C10orf90: variants seen among roughly 807,000 people sequenced by gnomAD.
The protein encoded by C10orf90 is (E2-independent) E3 ubiquitin-conjugating enzyme FATS.
A neutral mutation model predicts 62.5 loss-of-function variants in C10orf90; 56 were observed. The observed-to-expected ratio is 0.90, with a 90% CI of 0.72 to 1.12. C10orf90 has a LOEUF of 1.12. Among genes scored for constraint, C10orf90 ranks in the 50% most tolerant of loss-of-function variants. C10orf90 has a pLI of 0.00. For missense variants in C10orf90, 970 were observed against 880.4 expected (o/e 1.10, Z -1.29); for synonymous variants, 386 against 340.4 (o/e 1.13, Z -1.47).
chr10:126,433,337 G>A (rs1857702197), intron 7 of C10orf90, among the ~76,000 whole-genome samples: 1 of 152,180 alleles, frequency 6.6e-6, no homozygotes, highest in Non-Finnish European at 1.5e-5. Flanking sequence ...CACATGGTGA[G>A]GGGAGACATC....
intron 2 of C10orf90, among the ~76,000 whole-genome samples, chr10:126,609,671 C>T (rs1424488213): frequency 6.6e-6 from 1 of 152,196 alleles, no homozygotes; most frequent in East Asian, 1.9e-4. Flanking sequence ...AGAAGAGGGA[C>T]AGGAGGGCCT....
chr10:126,425,584 A>C lies in C10orf90; in HGVS notation c.*280T>G, dbSNP rs1196730281. The C allele has an allele frequency of 4.6e-6, 2 of 437,644 alleles. No homozygotes were observed. Among genetic ancestry groups the C allele is most frequent in the Non-Finnish European group, 8.0e-6 (2 of 250,450 alleles). 27.1% of individuals were successfully genotyped at this position (437,644 alleles called of 1,614,324 possible). ...CAGGGGAGAAGAAATCAGAAGCAAA[A>C]GGTACAATTTAGAAGCAAAAACATT... On this transcript the variant is annotated 3_prime_UTR_variant, in exon 10 of 10. Coordinates refer to ENST00000488181, the MANE Select transcript of C10orf90 (RefSeq NM_001350921.2).
intron 2 of C10orf90, among the ~76,000 whole-genome samples, chr10:126,528,012 T>C (rs1002800514): frequency 9.9e-5 from 15 of 152,172 alleles, no homozygotes; most frequent in African/African-American, 3.4e-4. Flanking sequence ...AAGTACGAGC[T>C]CATCAGAAAC....
chr10:126,440,970 AG>A (rs1458915435), intron 7 of C10orf90, among the ~76,000 whole-genome samples: 4 of 152,232 alleles, frequency 2.6e-5, no homozygotes, highest in Non-Finnish European at 4.4e-5. Flanking sequence ...AAAACATATT[AG>A]GCTCTTTAAC....
At chr10:126,610,779 A>T (rs1845415441) in intron 2 of C10orf90, among the ~76,000 whole-genome samples, 1 of 152,134 alleles carries the variant, frequency 6.6e-6, no homozygotes. Context: ...ACCTTCACCC[A>T]CTCAGAGTTA....
intron 7 of C10orf90, among the ~76,000 whole-genome samples, chr10:126,446,124 A>G (rs1273975430): frequency 1.3e-5 from 2 of 152,110 alleles, no homozygotes; most frequent in Non-Finnish European, 2.9e-5. Flanking sequence ...TCATGTAAGC[A>G]AACACCACTT....
intron 4 of C10orf90, among the ~76,000 whole-genome samples, chr10:126,497,611 A>C (rs1862135006): frequency 6.6e-6 from 1 of 152,200 alleles, no homozygotes; most frequent in Non-Finnish European, 1.5e-5. Context: ...AGATGGAAAA[A>C]ACAGAGACCT....
At chr10:126,562,798 A>G (rs1433303131) in intron 2 of C10orf90, among the ~76,000 whole-genome samples, 1 of 152,128 alleles carries the variant, frequency 6.6e-6, no homozygotes, top group Non-Finnish European at 1.5e-5. Context: ...GGACAGTAAA[A>G]CCATCAGGCG....
intron 4 of C10orf90, among the ~76,000 whole-genome samples, chr10:126,488,923 A>C (rs978742610): frequency 2.0e-5 from 3 of 152,108 alleles, no homozygotes; most frequent in Admixed American, 6.5e-5. Context: ...ACTTCAGGCC[A>C]GATGACTTCA....
At chr10:126,451,543 G>A (rs1353706830) in intron 7 of C10orf90, among the ~76,000 whole-genome samples, 2 of 151,962 alleles carry the variant, frequency 1.3e-5, no homozygotes, top group Admixed American at 1.3e-4. Flanking sequence ...GTTTTTATAA[G>A]ATGCTTGGGA....
chr10:126,624,969 T>C (rs1845714230), intron 2 of C10orf90, among the ~76,000 whole-genome samples: 1 of 152,212 alleles, frequency 6.6e-6, no homozygotes, highest in African/African-American at 2.4e-5. Context: ...GGGCAGTCTA[T>C]TAAAATGTTA....
At chr10:126,582,965 T>TTGGTTC (rs1844783969) in intron 2 of C10orf90, among the ~76,000 whole-genome samples, 1 of 152,198 alleles carries the variant, frequency 6.6e-6, no homozygotes, top group East Asian at 1.9e-4. Context: ...TCAGACTTGG[T>TTGGTTC]TGGCACTATT....
chr10:126,470,283 A>G, intron 4 of C10orf90: 1 of 340,074 alleles, frequency 2.9e-6, no homozygotes, highest in South Asian at 2.3e-5. Context: ...AGGAAGAGGC[A>G]GTAACAATGG....
Position 126,504,921 on chromosome 10 carries a change from T to G in C10orf90, c.570A>C (p.Gly190=), listed in dbSNP as rs1259085917. The change falls in exon 4 of 10, where the codon GGA becomes GGC. Residue 190 remains glycine (G), a synonymous_variant. Transcript: ENST00000488181. The surrounding 1 kb of genome is among the most constrained non-coding windows in gnomAD (Gnocchi z 4.1). Reference sequence around the variant, plus strand: ...ACGCAAATGCTCTGTGAATGTTGACTCCGCTGCGGTTAGCCAGAGATTGCT... The same window carrying G: ...ACGCAAATGCTCTGTGAATGTTGACGCCGCTGCGGTTAGCCAGAGATTGCT... ...HAKQSLANRS[G]VNIHRAFALL... 6.2e-7 allele frequency: 1 copy of G among 1,614,208 alleles called. No individual in the cohort carries two copies. Among genetic ancestry groups the G allele is most frequent in the East Asian group, 2.2e-5 (1 of 44,870 alleles).
At chr10:126,562,852 G>C (rs1047512964) in intron 2 of C10orf90, among the ~76,000 whole-genome samples, 1 of 152,186 alleles carries the variant, frequency 6.6e-6, no homozygotes, top group Admixed American at 6.5e-5. Context: ...AACCCCATCT[G>C]CCAACCTGAG....
At chr10:126,632,589 C>G (rs1418430442) in intron 2 of C10orf90, among the ~76,000 whole-genome samples, 1 of 151,896 alleles carries the variant, frequency 6.6e-6, no homozygotes, top group Non-Finnish European at 1.5e-5. Context: ...TGGAGTTGGT[C>G]CCAGACACTA....
chr10:126,554,816 T>C lies in C10orf90; in HGVS notation c.314-40877A>G, dbSNP rs980109408. On this transcript the variant is annotated intron_variant, in intron 2 of 9. Transcript: ENST00000488181. ...AAAAGACTCCTCCTGCTGATTATAC[T>C]TGGGCAAGATAGCAAAATGTATAGC... 2.6e-5 allele frequency among the ~76,000 whole-genome samples: 4 copies of C among 152,330 alleles called. No individual in the cohort carries two copies. In the South Asian group the frequency reaches 8.3e-4, roughly 32 times the overall value.
chr10:126,491,378 T>A (rs1473133452), intron 4 of C10orf90, among the ~76,000 whole-genome samples: 1 of 152,190 alleles, frequency 6.6e-6, no homozygotes, highest in Non-Finnish European at 1.5e-5. Context: ...TATATCTAAT[T>A]GTGGTTAGTT....
intron 2 of C10orf90, among the ~76,000 whole-genome samples, chr10:126,645,604 A>C (rs1373825544): frequency 2.0e-5 from 3 of 151,988 alleles, no homozygotes; most frequent in Admixed American, 6.6e-5. Flanking sequence ...AAAAAAAAAA[A>C]AAAGAACAAG....
Sources: gnomAD v4.1 joint callset for allele counts (sites outside exome capture counted in the v4.1 genomes callset) on GRCh38, gnomAD v4.1.1 for gene constraint, Gnocchi (gnomAD v3.1) non-coding constraint, MANE v1.5 for transcripts, NCBI Gene and HGNC (gene_info 2026-07-23, HGNC 2026-07-21) for gene names.